SLC15A4: variants seen among roughly 807,000 people sequenced by gnomAD.
SLC15A4 encodes the protein solute carrier family 15 member 4.
Under a neutral mutation model 46.1 loss-of-function variants are expected in SLC15A4, and 26 were observed. The ratio of observed to expected loss-of-function variants is 0.56; its 90% CI spans 0.41 to 0.78. SLC15A4 has a LOEUF of 0.78. Among genes scored for constraint, SLC15A4 ranks in the 30% least tolerant of loss-of-function variants. The probability of loss-of-function intolerance (pLI) is 0.00; values close to 1 mark genes in which losing one functional copy is unlikely to be tolerated. For missense variants in SLC15A4, 751 were observed against 755.7 expected (o/e 0.99, Z 0.07); for synonymous variants, 370 against 333.4 (o/e 1.11, Z -1.20).
At position 128,809,981 on chromosome 12, in the gene SLC15A4, A is replaced by AT. The variant is rs1277358771; in HGVS notation, c.972_973insA (p.Phe325IlefsTer49). The AT allele has an allele frequency of 1.9e-6, 3 of 1,614,070 alleles. No homozygotes were observed. Among genetic ancestry groups the AT allele is most frequent in the Non-Finnish European group, 2.5e-6 (3 of 1,180,038 alleles). On this transcript the variant is annotated frameshift_variant, in exon 3 of 8. Coordinates refer to ENST00000266771, the MANE Select transcript of SLC15A4 (RefSeq NM_145648.4). LOFTEE classifies it high-confidence loss of function. ...GTCCAGTAAGGTATCAAAGCCAAGA[A>AT]AACAGGGACAATCTTGACCAGAGCT...
intron 7 of SLC15A4, among the ~76,000 whole-genome samples, chr12:128,797,497 T>G (rs1955460016): frequency 6.6e-6 from 1 of 152,192 alleles, no homozygotes; most frequent in African/African-American, 2.4e-5. Context: ...TTAGAGACCT[T>G]TACTATGGTA....
rs191491193 is a variant in SLC15A4 at position 128,821,524 on chromosome 12, A to C, written c.546+1874T>G. On this transcript the variant is annotated intron_variant, in intron 1 of 7. Transcript: ENST00000266771. ...GCTATGTTCCAATAACGCTTTATTT[A>C]TGGAGATTGAAATTTGATTTTCATA... is the stretch of plus-strand genomic sequence containing the variant. Among the ~76,000 whole-genome samples the C allele has an allele frequency of 2.3e-3, 358 of 152,366 alleles. 2 individuals are homozygous for C. Among genetic ancestry groups the C allele is most frequent in the African/African-American group, 8.1e-3 (335 of 41,586 alleles).
chr12:128,823,280 G>GC (rs1477924179), intron 1 of SLC15A4, 118 bp downstream of exon 1: 5 of 1,011,188 alleles, frequency 4.9e-6, no homozygotes, highest in Non-Finnish European at 6.6e-6. Context: ...CTAGACAGAA[G>GC]CCCCCCGGGG....
chr12:128,798,614 A>G (rs1955476395), intron 7 of SLC15A4, among the ~76,000 whole-genome samples: 1 of 152,228 alleles, frequency 6.6e-6, no homozygotes, highest in African/African-American at 2.4e-5. Flanking sequence ...TGTAGATAAA[A>G]TATTTTTACA....
chr12:128,821,871 C>G (rs1179095311), intron 1 of SLC15A4, among the ~76,000 whole-genome samples: 2 of 132,076 alleles, frequency 1.5e-5, no homozygotes, highest in African/African-American at 5.8e-5. Context: ...GGCAACAGAG[C>G]GAGACTCCGC....
At chr12:128,807,522 G>A (rs74337121) in intron 5 of SLC15A4, among the ~76,000 whole-genome samples, 1,765 of 152,302 alleles carry the variant, frequency 0.012, 99 homozygotes, top group Admixed American at 0.089. Context: ...CTCCAGCCCC[G>A]GGGGGAGAGA....
chr12:128,822,074 C>T (rs544824389), intron 1 of SLC15A4, among the ~76,000 whole-genome samples: 287 of 152,284 alleles, frequency 1.9e-3, no homozygotes, highest in Non-Finnish European at 3.6e-3. Context: ...CTCACATGAT[C>T]CGGCCCCAGC....
chr12:128,794,017 GCA>G lies in SLC15A4; in HGVS notation c.*177_*178del. On this transcript the variant is annotated 3_prime_UTR_variant, in exon 8 of 8. Coordinates refer to ENST00000266771, the MANE Select transcript of SLC15A4 (RefSeq NM_145648.4). ...GGCCCAGCGTGCCAGGAGACACGCT[GCA>G]GTAAGGCACTTACCAAGCTCCTTTG... 3.8e-6 allele frequency: 2 copies of G among 523,298 alleles called. No individual in the cohort carries two copies. Among genetic ancestry groups the G allele is most frequent in the Non-Finnish European group, 6.5e-6 (2 of 309,922 alleles). 32.4% of individuals were successfully genotyped at this position (523,298 alleles called of 1,614,324 possible).
chr12:128,799,236 AG>A, intron 7 of SLC15A4, 22 bp downstream of exon 7: 1 of 1,610,644 alleles, frequency 6.2e-7, no homozygotes. Context: ...TATTTTCAAA[AG>A]GGACAGGATG....
In SLC15A4 at chr12:128,821,827, A is replaced by G. The variant is rs183801578; in HGVS notation, c.546+1571T>C. Among the ~76,000 whole-genome samples the G allele has an allele frequency of 8.5e-4, 129 of 151,002 alleles. 1 individual carries two copies. In the East Asian group the frequency reaches 0.019, roughly 23 times the overall value. ...CTTGAACTCAGGAGGTGAAGGTTGC[A>G]GTGAGCTGAGATCGCGCCACTGCAC... is the stretch of plus-strand genomic sequence containing the variant. On this transcript the variant is annotated intron_variant, in intron 1 of 7. Transcript: ENST00000266771.
chr12:128,823,285 C>G, intron 1 of SLC15A4, 113 bp downstream of exon 1: 1 of 1,076,796 alleles, frequency 9.3e-7, no homozygotes, highest in Non-Finnish European at 1.2e-6. Context: ...CAGAAGCCCC[C>G]CGGGGCAAGG....
chr12:128,795,931 C>A (rs974690549), intron 7 of SLC15A4, among the ~76,000 whole-genome samples: 1 of 152,224 alleles, frequency 6.6e-6, no homozygotes, highest in Non-Finnish European at 1.5e-5. Flanking sequence ...GGCAACATCA[C>A]GAGGGGAGCG....
chr12:128,813,634 A>C (rs573099246), intron 2 of SLC15A4: 2 of 152,380 alleles, frequency 1.3e-5, no homozygotes, highest in African/African-American at 4.8e-5. Context: ...CCGCAGAAGA[A>C]TGTCCAGCAA....
chr12:128,823,901 G>A lies in SLC15A4; in HGVS notation c.43C>T (p.Leu15=), dbSNP rs1378849941. The change falls in exon 1 of 8, where the codon CTG becomes TTG. Residue 15 remains leucine (L), a synonymous_variant. Transcript: ENST00000266771. Reference sequence around the variant, plus strand: ...GCCGCCGCCGCCCGCCGCGCGCCCAGCAGCGGCGCCCGCTCGCCCGCACCG... The same window carrying A: ...GCCGCCGCCGCCCGCCGCGCGCCCAACAGCGGCGCCCGCTCGCCCGCACCG... The part of the protein sequence containing the change: ...GGGAGERAPL[L]GARRAAAAAA... The A allele has an allele frequency of 5.6e-6, 5 of 891,772 alleles. No individual in the cohort carries two copies. In the East Asian group the frequency reaches 6.0e-4, roughly 107 times the overall value. 55.2% of individuals were successfully genotyped at this position (891,772 alleles called of 1,614,324 possible).
In SLC15A4 at chr12:128,799,440, C is replaced by G. The variant is rs199776179; in HGVS notation, c.1415-23G>C. The G allele has an allele frequency of 5.6e-6, 9 of 1,612,830 alleles. No individual in the cohort carries two copies. The Middle Eastern group carries it at 8.3e-4, about 148-fold the overall frequency. Reference sequence around the variant, plus strand: ...GGCCTGAGGAAAGAAAAGGGAGGGTCGTTTTTGTGAAAGGGGCACTTTAAC... The same window carrying G: ...GGCCTGAGGAAAGAAAAGGGAGGGTGGTTTTTGTGAAAGGGGCACTTTAAC... On this transcript the variant is annotated intron_variant, in intron 6 of 7. Coordinates refer to ENST00000266771, the MANE Select transcript of SLC15A4 (RefSeq NM_145648.4).
intron 7 of SLC15A4, among the ~76,000 whole-genome samples, chr12:128,794,765 C>G (rs563191887): frequency 3.9e-5 from 6 of 152,280 alleles, no homozygotes; most frequent in Admixed American, 3.9e-4. Flanking sequence ...TAAGGCCGCA[C>G]GACAAGGCTG....
At chr12:128,806,632 T>A (rs969802369) in intron 5 of SLC15A4, among the ~76,000 whole-genome samples, 2 of 152,220 alleles carry the variant, frequency 1.3e-5, no homozygotes, top group Non-Finnish European at 2.9e-5. Flanking sequence ...ATAAGATATA[T>A]GTAACTCTTC....
chr12:128,810,579 C>T (rs982664197), intron 2 of SLC15A4, among the ~76,000 whole-genome samples: 1 of 152,008 alleles, frequency 6.6e-6, no homozygotes, highest in Non-Finnish European at 1.5e-5. Context: ...ACAGCCAATA[C>T]CCATGCTGTT....
chr12:128,819,408 A>G (rs1488636718), intron 1 of SLC15A4: 1 of 152,202 alleles, frequency 6.6e-6, no homozygotes, highest in Non-Finnish European at 1.5e-5. Context: ...GTCTTAAAAA[A>G]AAATACTTCT....
Sources: allele counts gnomAD v4.1 joint callset (sites outside exome capture counted in the v4.1 genomes callset), GRCh38; gene constraint gnomAD v4.1.1; transcripts MANE v1.5; gene names NCBI Gene and HGNC (gene_info 2026-07-23, HGNC 2026-07-21).